Variants in WDR7 observed in about 807,000 individuals in gnomAD.
The protein encoded by WDR7 is WD repeat domain 7, also known as WD repeat-containing protein 7.
In WDR7, 46 loss-of-function variants were observed where a neutral mutation model predicts 169.4. That is an observed-to-expected ratio of 0.27 (90% CI 0.21 to 0.35). The LOEUF (loss-of-function observed/expected upper bound fraction) is 0.35, where lower values mean the gene tolerates loss of function less well. WDR7 is among the 10% of genes least tolerant of loss of function. The pLI is 1.00. For synonymous variants in WDR7, 612 were observed against 666.8 expected (o/e 0.92, Z 1.27); for missense variants, 1,534 against 1,859.3 (o/e 0.83, Z 3.22).
intron 26 of WDR7, among the ~76,000 whole-genome samples, chr18:57,007,679 C>T (rs1486436518): frequency 6.6e-6 from 1 of 152,054 alleles, no homozygotes. Flanking sequence ...ACATTGGGAA[C>T]AACCTTGAAA....
chr18:56,673,547 T>C lies in WDR7; in HGVS notation c.159+873T>C, dbSNP rs552830198. The stretch of plus-strand genomic sequence containing the variant: ...AAACCCTGTACCCTTTAAATGTCCC[T>C]CCTGGGCCAGGCATGGTGGCTCATG... On this transcript the variant is annotated intron_variant, in intron 2 of 27. Coordinates refer to ENST00000254442, the MANE Select transcript of WDR7 (RefSeq NM_015285.3). Among the ~76,000 whole-genome samples, 3 of 152,226 alleles carry C rather than the reference T, an allele frequency of 2.0e-5. No homozygotes were observed. In the South Asian group the frequency reaches 6.2e-4, roughly 32 times the overall value.
At chr18:56,993,976 T>C (rs1221072091) in intron 26 of WDR7, among the ~76,000 whole-genome samples, 1 of 152,028 alleles carries the variant, frequency 6.6e-6, no homozygotes, top group Non-Finnish European at 1.5e-5. Flanking sequence ...CGCTCATCTG[T>C]TACTCTTTAT....
At chr18:56,747,200 G>A (rs928340211) in intron 14 of WDR7, among the ~76,000 whole-genome samples, 2 of 152,160 alleles carry the variant, frequency 1.3e-5, no homozygotes, top group Admixed American at 1.3e-4. Flanking sequence ...TGGAGGAAGT[G>A]GTGGGCAGAT....
At chr18:56,713,805 G>C (rs892288064) in intron 12 of WDR7, among the ~76,000 whole-genome samples, 6 of 152,152 alleles carry the variant, frequency 3.9e-5, no homozygotes, top group African/African-American at 1.4e-4. Context: ...CATTTGTGAA[G>C]AAGCTGGGTG....
intron 19 of WDR7, chr18:56,782,209 A>G (rs1350016298): frequency 1.3e-5 from 2 of 152,236 alleles, no homozygotes; most frequent in East Asian, 1.9e-4. Context: ...CTTTTGCAAA[A>G]TAAAAGCTTT....
chr18:57,027,099 G>T lies in WDR7; in HGVS notation c.4365G>T (p.Ala1455=), dbSNP rs547450912. ...ACCAGGTGCCCCCTGTGCAGCCCGC[G>T]TCCCCCGGCTCCCACAATGCCCTCA... ...KTYQVPPVQP[A]SPGSHNALKL... Residue 1455 remains alanine, a synonymous_variant, in exon 28 of 28, where the codon GCG becomes GCT. Coordinates refer to ENST00000254442, the MANE Select transcript of WDR7 (RefSeq NM_015285.3). The T allele has an allele frequency of 2.5e-6, 4 of 1,614,136 alleles. No homozygotes were observed. The highest frequency in any genetic ancestry group is 2.2e-5 in the South Asian group (2 of 91,088).
intron 19 of WDR7, among the ~76,000 whole-genome samples, chr18:56,786,936 A>G (rs2145096734): frequency 6.6e-6 from 1 of 151,788 alleles, no homozygotes; most frequent in East Asian, 2.0e-4. Context: ...AGTAGTGGCA[A>G]AAACCACAAT....
intron 20 of WDR7, among the ~76,000 whole-genome samples, chr18:56,855,658 G>A (rs1368182812): frequency 6.6e-6 from 1 of 152,056 alleles, no homozygotes; most frequent in Non-Finnish European, 1.5e-5. Flanking sequence ...TATTCTGTTT[G>A]TGAATTTGTT....
At chr18:56,747,350 G>T (rs1183784071) in intron 14 of WDR7, among the ~76,000 whole-genome samples, 1 of 152,126 alleles carries the variant, frequency 6.6e-6, no homozygotes, top group Non-Finnish European at 1.5e-5. Flanking sequence ...AAGTTAAATG[G>T]GATAACAGAT....
intron 20 of WDR7, among the ~76,000 whole-genome samples, chr18:56,820,411 A>G (rs2145233987): frequency 6.7e-6 from 1 of 149,202 alleles, no homozygotes. Context: ...TTCAACTACA[A>G]AAGCAGCAAT....
At chr18:56,658,759 C>A (rs916006865) in intron 1 of WDR7, among the ~76,000 whole-genome samples, 17 of 152,186 alleles carry the variant, frequency 1.1e-4, no homozygotes, top group African/African-American at 4.1e-4. Flanking sequence ...GTTGCTCAGA[C>A]TGGAGTGCAG....
intron 14 of WDR7, among the ~76,000 whole-genome samples, chr18:56,747,563 C>T (rs142917230): frequency 4.6e-5 from 7 of 152,210 alleles, no homozygotes; most frequent in East Asian, 1.9e-4. Context: ...GAGAAAAGTG[C>T]GTAGTTCATT....
At position 56,784,919 on chromosome 18, in the gene WDR7, T is replaced by TG. The variant is rs1184633357; in HGVS notation, c.3190+3263_3190+3264insG. Among the ~76,000 whole-genome samples, 5 of 148,284 alleles carry TG rather than the reference T, an allele frequency of 3.4e-5. No homozygotes were observed. The East Asian group carries it at 9.7e-4, about 29-fold the overall frequency. On this transcript the variant is annotated intron_variant, in intron 19 of 27. Transcript: ENST00000254442. ...TGATCTTGTCATTTATTGTTGTTGTTTTTTTTTTTGTGAAAGACAAACATG... is the reference window on the plus strand; with the variant it reads ...TGATCTTGTCATTTATTGTTGTTGTTGTTTTTTTTTGTGAAAGACAAACATG...
rs2047221023 is a variant in WDR7 at position 56,954,333 on chromosome 18, A to G, written c.4065-8097A>G. Among the ~76,000 whole-genome samples the G allele has an allele frequency of 1.3e-5, 2 of 152,206 alleles. 1 individual carries two copies. The highest frequency in any genetic ancestry group is 4.8e-5 in the African/African-American group (2 of 41,456). ...CCTCTAAATGAAATTATTTCTTACT[A>G]ACAGTTGCCTCTATTAAATGTAGAG... On this transcript the variant is annotated intron_variant, in intron 25 of 27. Coordinates refer to ENST00000254442, the MANE Select transcript of WDR7 (RefSeq NM_015285.3).
chr18:56,996,490 C>A (rs1049998265), intron 26 of WDR7, among the ~76,000 whole-genome samples: 4 of 152,110 alleles, frequency 2.6e-5, no homozygotes, highest in Admixed American at 2.6e-4. Context: ...GATTACATTT[C>A]TTAATTTGGA....
At chr18:57,004,761 C>T (rs1027800528) in intron 26 of WDR7, among the ~76,000 whole-genome samples, 1 of 152,106 alleles carries the variant, frequency 6.6e-6, no homozygotes, top group African/African-American at 2.4e-5. Flanking sequence ...CAAAACAGTT[C>T]TTACAGTTTC....
At chr18:56,710,008 T>G (rs1452005560) in intron 12 of WDR7, among the ~76,000 whole-genome samples, 14 of 145,808 alleles carry the variant, frequency 9.6e-5, no homozygotes, top group Admixed American at 4.7e-4. Context: ...ATATAGTTGT[T>G]TTTTTTTTTT....
intron 22 of WDR7, among the ~76,000 whole-genome samples, chr18:56,928,872 G>A (rs73440706): frequency 0.07 from 10,588 of 152,204 alleles, 1,240 homozygotes; most frequent in African/African-American, 0.24. Flanking sequence ...CCAAAAGCCA[G>A]AGCTCCTAAT....
At chr18:56,711,108 A>C (rs1228519749) in intron 12 of WDR7, among the ~76,000 whole-genome samples, 1 of 151,738 alleles carries the variant, frequency 6.6e-6, no homozygotes, top group Non-Finnish European at 1.5e-5. Context: ...CTTAACTAAA[A>C]TATTAAGCTT....
Sources: gnomAD v4.1 joint callset for allele counts (sites outside exome capture counted in the v4.1 genomes callset) on GRCh38, gnomAD v4.1.1 for gene constraint, MANE v1.5 for transcripts, NCBI Gene and HGNC (gene_info 2026-07-23, HGNC 2026-07-21) for gene names.